The following CDK15 variants were observed in gnomAD, a reference collection of about 807,000 sequenced individuals.
CDK15 encodes the protein cyclin-dependent kinase 15.
Under a neutral mutation model 60.3 loss-of-function variants are expected in CDK15, and 62 were observed. The observed-to-expected ratio is 1.03, with a 90% CI of 0.84 to 1.27. CDK15 has a LOEUF of 1.27. Among genes scored for constraint, CDK15 ranks in the 50% most tolerant of loss-of-function variants. The pLI is 0.00. For synonymous variants in CDK15, 194 were observed against 195.7 expected (o/e 0.99, Z 0.07); for missense variants, 541 against 527.8 (o/e 1.03, Z -0.25).
chr2:201,838,677 G>T (rs930080831), intron 8 of CDK15, among the ~76,000 whole-genome samples: 3 of 152,058 alleles, frequency 2.0e-5, no homozygotes, highest in African/African-American at 4.8e-5. Context: ...CAACTGCTGG[G>T]ATTACAGGTA....
intron 12 of CDK15, among the ~76,000 whole-genome samples, chr2:201,881,546 G>A (rs1433758333): frequency 2.0e-5 from 3 of 152,176 alleles, no homozygotes; most frequent in African/African-American, 7.2e-5. Flanking sequence ...AAAAATCTGT[G>A]CATAATCAAC....
chr2:201,812,579 T>C lies in CDK15; in HGVS notation c.448+17T>C. 3.2e-6 allele frequency: 5 copies of C among 1,572,394 alleles called. No individual in the cohort carries two copies. The East Asian group carries it at 9.0e-5, about 28-fold the overall frequency. On this transcript the variant is annotated intron_variant, in intron 4 of 13. Coordinates refer to ENST00000652192, the MANE Select transcript of CDK15 (RefSeq NM_001366386.2). The stretch of plus-strand genomic sequence containing the variant: ...TCCGAGAAGGTAAGAACAGCAGAAA[T>C]GGACCCAATAGATCTGTTTTGAGTC...
chr2:201,876,658 G>T, intron 11 of CDK15: 1 of 975,880 alleles, frequency 1.0e-6, no homozygotes, highest in Non-Finnish European at 1.4e-6. Flanking sequence ...CAGAAGCCCT[G>T]AAACAACCCT....
chr2:201,835,725 G>C lies in CDK15; in HGVS notation c.813G>C (p.Leu271Phe). ...VTLWYRPPDA[L>F]LGATEYSSEL... Reference sequence around the variant, plus strand: ...TCTGGTACCGGCCCCCTGATGCTTTGCTGGGAGCCACTGAATATTCCTCTG... The same window carrying C: ...TCTGGTACCGGCCCCCTGATGCTTTCCTGGGAGCCACTGAATATTCCTCTG... Residue 271 changes from leucine (L) to phenylalanine (F), a missense_variant, in exon 8 of 14, where the codon TTG becomes TTC. Leu to Phe is a conservative substitution (Grantham distance 22). Transcript: ENST00000652192. 1 of 1,610,344 alleles carries C rather than the reference G, an allele frequency of 6.2e-7. No homozygotes were observed. Among genetic ancestry groups the C allele is most frequent in the South Asian group, 1.1e-5 (1 of 90,684 alleles).
In CDK15 at chr2:201,816,373, T is replaced by C. The variant is rs547250817; in HGVS notation, c.448+3811T>C. Among the ~76,000 whole-genome samples the C allele has an allele frequency of 3.3e-5, 5 of 151,928 alleles. No homozygotes were observed. The South Asian group carries it at 6.2e-4, about 19-fold the overall frequency. On this transcript the variant is annotated intron_variant, in intron 4 of 13. Transcript: ENST00000652192. ...TAGCTTTCACTTGTAAGTGAGAACA[T>C]GTGGTATTTGTTTTCTGTTCCTGGG...
At chr2:201,828,814 G>C (rs1303449139) in intron 6 of CDK15, among the ~76,000 whole-genome samples, 2 of 152,124 alleles carry the variant, frequency 1.3e-5, no homozygotes, top group African/African-American at 2.4e-5. Context: ...GTTTTGCATA[G>C]GCTTCATTGT....
rs764774758 is a variant in CDK15, at chr2:201,872,372, G to A, written c.1058+46G>A. 4 of 1,582,284 alleles carry A rather than the reference G, an allele frequency of 2.5e-6. No individual in the cohort carries two copies. The East Asian group carries it at 6.7e-5, about 27-fold the overall frequency. On this transcript the variant is annotated intron_variant, in intron 11 of 13. Coordinates refer to ENST00000652192, the MANE Select transcript of CDK15 (RefSeq NM_001366386.2). ...GGATCTTTAAGGGATCTTTAAGCAG[G>A]ATTGGAGAGACATTTCCCTGGATCT...
chr2:201,860,634 G>A, intron 10 of CDK15: 2 of 1,162,586 alleles, frequency 1.7e-6, no homozygotes, highest in East Asian at 5.2e-5. Context: ...CAGGAAAGCG[G>A]TACTAAAAGC....
intron 6 of CDK15, among the ~76,000 whole-genome samples, chr2:201,826,122 T>C (rs1291508916): frequency 6.6e-6 from 1 of 152,178 alleles, no homozygotes; most frequent in Admixed American, 6.5e-5. Context: ...TACGATCTAG[T>C]ACTGTAGATG....
At chr2:201,823,790 G>C (rs1162632847) in intron 6 of CDK15, 63 bp downstream of exon 6, 1 of 1,413,686 alleles carries the variant, frequency 7.1e-7, no homozygotes. Flanking sequence ...TTCTGAAACA[G>C]ACTGTCTCAC....
chr2:201,852,271 T>C (rs775596292), intron 9 of CDK15, among the ~76,000 whole-genome samples: 6 of 152,232 alleles, frequency 3.9e-5, no homozygotes, highest in Non-Finnish European at 8.8e-5. Context: ...GAATCTGTGA[T>C]ATTTGATGTC....
intron 10 of CDK15, among the ~76,000 whole-genome samples, chr2:201,865,957 C>T (rs559973197): frequency 7.1e-6 from 1 of 141,002 alleles, no homozygotes; most frequent in South Asian, 2.3e-4. Context: ...GAGAAACTTC[C>T]AAGCCAGCTA....
intron 4 of CDK15, among the ~76,000 whole-genome samples, chr2:201,816,453 TG>T (rs1256562684): frequency 9.4e-5 from 11 of 116,874 alleles, no homozygotes; most frequent in Non-Finnish European, 1.0e-4. Context: ...GCTAAGGAAA[TG>T]GTTTTTTTTT....
chr2:201,810,371 G>A (rs1461389927), intron 3 of CDK15, among the ~76,000 whole-genome samples: 4 of 148,182 alleles, frequency 2.7e-5, no homozygotes, highest in Non-Finnish European at 4.4e-5. Flanking sequence ...TTTCAAATAG[G>A]CCAAAAAAAA....
chr2:201,845,808 G>A (rs755273185), intron 8 of CDK15, among the ~76,000 whole-genome samples: 19 of 150,406 alleles, frequency 1.3e-4, no homozygotes, highest in Non-Finnish European at 2.2e-4. Flanking sequence ...GCAAAATTAT[G>A]TGGTATAGTG....
chr2:201,822,978 A>G, intron 5 of CDK15, 75 bp downstream of exon 5: 1 of 879,444 alleles, frequency 1.1e-6, no homozygotes, highest in South Asian at 1.4e-5. Context: ...TTAATATTTT[A>G]TGGCATGATA....
intron 4 of CDK15, 117 bp downstream of exon 4, chr2:201,812,679 C>A (rs1222505085): frequency 1.2e-5 from 6 of 495,874 alleles, no homozygotes; most frequent in Non-Finnish European, 2.1e-5. Context: ...ACTATAATTA[C>A]ATTTTTATTT....
At chr2:201,887,812 A>G (rs1699509258) in intron 12 of CDK15, among the ~76,000 whole-genome samples, 1 of 152,200 alleles carries the variant, frequency 6.6e-6, no homozygotes, top group African/African-American at 2.4e-5. Context: ...TAGCAACTTC[A>G]ATTTAAAGTG....
chr2:201,830,846 A>T (rs1328474140), intron 6 of CDK15, among the ~76,000 whole-genome samples: 1 of 152,218 alleles, frequency 6.6e-6, no homozygotes, highest in Non-Finnish European at 1.5e-5. Context: ...GCAGCTTATG[A>T]CACTTGTCAG....
Sources: gnomAD v4.1 joint callset for allele counts (sites outside exome capture counted in the v4.1 genomes callset) on GRCh38, gnomAD v4.1.1 for gene constraint, MANE v1.5 for transcripts, NCBI Gene and HGNC (gene_info 2026-07-23, HGNC 2026-07-21) for gene names.